The following SRSF12 variants were observed in gnomAD, a reference collection of about 807,000 sequenced individuals.
The protein encoded by SRSF12 is serine/arginine-rich splicing factor 12.
In SRSF12, 21 loss-of-function variants were observed where a neutral mutation model predicts 34.1. That is an observed-to-expected ratio of 0.62 (90% CI 0.44 to 0.89). The LOEUF (loss-of-function observed/expected upper bound fraction) is 0.89, where lower values mean the gene tolerates loss of function less well. Ranked by LOEUF, SRSF12 falls within the 40% of genes least tolerant of loss-of-function variation. The probability of loss-of-function intolerance (pLI) is 0.00; values close to 1 mark genes in which losing one functional copy is unlikely to be tolerated. For synonymous variants in SRSF12, 111 were observed against 110.8 expected (o/e 1.00, Z -0.01); for missense variants, 278 against 327.8 (o/e 0.85, Z 1.17).
intron 1 of SRSF12, among the ~76,000 whole-genome samples, chr6:89,109,539 T>C (rs1471368683): frequency 2.6e-5 from 4 of 152,100 alleles, no homozygotes; most frequent in Non-Finnish European, 5.9e-5. Context: ...ATCAACCAAA[T>C]GTAGTGGCTA....
chr6:89,104,786 C>T (rs1768708708), intron 4 of SRSF12, among the ~76,000 whole-genome samples: 1 of 152,110 alleles, frequency 6.6e-6, no homozygotes, highest in Non-Finnish European at 1.5e-5. Context: ...GGTGCAGTGG[C>T]TCACACCTGT....
Position 89,098,432 on chromosome 6 carries a change from C to T in SRSF12, c.*146G>A. ...AATGGAGACCAAATTTTTATTAATC[C>T]AAAGCTAGAGATTTTATTTCTTCCA... On this transcript the variant is annotated 3_prime_UTR_variant, in exon 5 of 5. Coordinates refer to ENST00000452027, the MANE Select transcript of SRSF12 (RefSeq NM_080743.5). The T allele has an allele frequency of 9.4e-7, 1 of 1,065,460 alleles. No homozygotes were observed. Among genetic ancestry groups the T allele is most frequent in the South Asian group, 2.2e-5 (1 of 45,010 alleles). 66.0% of individuals were successfully genotyped at this position (1,065,460 alleles called of 1,614,324 possible).
At chr6:89,107,063 T>A in intron 2 of SRSF12, 91 bp downstream of exon 2, 1 of 1,208,394 alleles carries the variant, frequency 8.3e-7, no homozygotes, top group Admixed American at 1.8e-5. Context: ...AATTAGGCAA[T>A]ATTAATCTCA....
intron 4 of SRSF12, among the ~76,000 whole-genome samples, chr6:89,101,732 C>A (rs1322260293): frequency 6.6e-6 from 1 of 151,936 alleles, no homozygotes; most frequent in Non-Finnish European, 1.5e-5. Flanking sequence ...ATCTGAAAAC[C>A]TTGCCAGAGA....
Position 89,098,886 on chromosome 6 carries a change from G to T in SRSF12, c.478C>A (p.Arg160=). 1 of 1,613,832 alleles carries T rather than the reference G, an allele frequency of 6.2e-7. No individual in the cohort carries two copies. Among genetic ancestry groups the T allele is most frequent in the East Asian group, 2.2e-5 (1 of 44,876 alleles). Residue 160 remains arginine (R), a synonymous_variant, in exon 5 of 5, where the codon CGG becomes AGG. Transcript: ENST00000452027. ...CTTGACTGCCTTGCTGAGGTAGACC[G>T]CCTTGGTAATGATTTGGAACGAGAT... is the stretch of plus-strand genomic sequence containing the variant. ...SKSRSKSLPR[R]STSARQSRTP...
Position 89,107,224 on chromosome 6 carries a change from C to A in SRSF12, c.100G>T (p.Gly34Cys). ...GGAATGTAAACGTCTACTATAGGGC[C>A]ATATCGACCAAACTCACGGCGCAAG... ...EDLRREFGRY[G>C]PIVDVYIPLD... Residue 34 changes from glycine (G) to cysteine (C), a missense_variant, in exon 2 of 5, where the codon GGC (glycine) becomes TGC (cysteine). By Grantham distance (159) the Gly-to-Cys change is radical (BLOSUM62 -3). Transcript: ENST00000452027. 1 of 1,614,000 alleles carries A rather than the reference C, an allele frequency of 6.2e-7. No homozygotes were observed. The highest frequency in any genetic ancestry group is 8.5e-7 in the Non-Finnish European group (1 of 1,180,006).
At chr6:89,117,072 G>T (rs1341467126) in intron 1 of SRSF12, among the ~76,000 whole-genome samples, 1 of 152,022 alleles carries the variant, frequency 6.6e-6, no homozygotes, top group African/African-American at 2.4e-5. Flanking sequence ...ATTAAGGAAG[G>T]AAGTGCTATA....
At chr6:89,106,985 A>C (rs565372179) in intron 2 of SRSF12, 169 bp downstream of exon 2, 36 of 720,290 alleles carry the variant, frequency 5.0e-5, no homozygotes, top group South Asian at 4.9e-4. Flanking sequence ...GTTGGTTCAA[A>C]CTGGGGGGTG....
intron 3 of SRSF12, 61 bp from the exon 4 acceptor site, chr6:89,105,321 C>G (rs772077800): frequency 5.0e-5 from 79 of 1,568,556 alleles, no homozygotes; most frequent in Non-Finnish European, 6.7e-5. Flanking sequence ...CAGTAACAAC[C>G]ACTCAACTAG....
Position 89,105,462 on chromosome 6 carries a change from T to TTG in SRSF12, c.238_239insCA (p.Gln80ProfsTer18), listed in dbSNP as rs1562199428. The TTG allele has an allele frequency of 6.2e-7, 1 of 1,611,058 alleles. No homozygotes were observed. The highest frequency in any genetic ancestry group is 1.7e-5 in the Admixed American group (1 of 59,282). ...ACCTTGTGCAAACTGTATTTCAATC[T>TTG]GACGGCCACATACCCACTTTCTATT... is the stretch of plus-strand genomic sequence containing the variant. On this transcript the variant is annotated frameshift_variant, in exon 3 of 5. Coordinates refer to ENST00000452027, the MANE Select transcript of SRSF12 (RefSeq NM_080743.5). LOFTEE classifies it high-confidence loss of function.
chr6:89,099,413 T>TATACAC lies in SRSF12; in HGVS notation c.417-467_417-466insGTGTAT, dbSNP rs370117225. ...CTCTCTCTCTCTCTCCATATATATA[T>TATACAC]ACATATATATATGTGTGTATATATA... On this transcript the variant is annotated intron_variant, in intron 4 of 4. Transcript: ENST00000452027. Among the ~76,000 whole-genome samples the TATACAC allele has an allele frequency of 6.2e-3, 867 of 139,962 alleles. 21 individuals are homozygous for TATACAC. Among genetic ancestry groups the TATACAC allele is most frequent in the African/African-American group, 0.022 (771 of 35,492 alleles). 91.8% of individuals were successfully genotyped at this position (139,962 alleles called of 152,430 possible). A position where few individuals can be genotyped will look rare whatever the true frequency, so the allele number is the denominator to read the frequency against.
Position 89,118,026 on chromosome 6 carries a change from C to T in SRSF12, c.-139G>A. The T allele has an allele frequency of 2.4e-6, 2 of 846,266 alleles. No homozygotes were observed. Among genetic ancestry groups the T allele is most frequent in the South Asian group, 3.8e-5 (2 of 51,952 alleles). The allele number at this position is 846,266 out of a possible 1,614,324, so 52.4% of individuals were successfully genotyped here. A position where few individuals can be genotyped will look rare whatever the true frequency, so the allele number is the denominator to read the frequency against. ...CCTCGGCCTCAGCCCCGCCAGCGCG[C>T]AGCCGCAGAGGCCGGCGCAGAGGGG... On this transcript the variant is annotated 5_prime_UTR_variant, in exon 1 of 5. Transcript: ENST00000452027.
At chr6:89,110,673 C>A (rs1344861310) in intron 1 of SRSF12, among the ~76,000 whole-genome samples, 1 of 152,130 alleles carries the variant, frequency 6.6e-6, no homozygotes, top group African/African-American at 2.4e-5. Context: ...TGTGAATCGG[C>A]CTTAGGTTCC....
chr6:89,099,859 C>T (rs1482457314), intron 4 of SRSF12, among the ~76,000 whole-genome samples: 2 of 152,042 alleles, frequency 1.3e-5, no homozygotes. Context: ...TGAAAAGCTA[C>T]ACAACATTTA....
intron 2 of SRSF12, 129 bp from the exon 3 acceptor site, chr6:89,105,659 A>G: frequency 1.6e-6 from 1 of 610,898 alleles, no homozygotes; most frequent in Non-Finnish European, 2.7e-6. Flanking sequence ...TCTTCAATAT[A>G]ATATGAATAA....
Position 89,099,041 on chromosome 6 carries a change from T to C in SRSF12, c.417-94A>G, listed in dbSNP as rs1248038303. The stretch of plus-strand genomic sequence containing the variant: ...GGAACTTACATACTTTACATAACAT[T>C]AGTTATATTTTTACTAGATAAGCTA... On this transcript the variant is annotated intron_variant, in intron 4 of 4. Coordinates refer to ENST00000452027, the MANE Select transcript of SRSF12 (RefSeq NM_080743.5). 1.1e-5 allele frequency: 15 copies of C among 1,386,746 alleles called. No homozygotes were observed. The East Asian group carries it at 3.6e-4, about 33-fold the overall frequency. 85.9% of individuals were successfully genotyped at this position (1,386,746 alleles called of 1,614,324 possible). A position where few individuals can be genotyped will look rare whatever the true frequency, so the allele number is the denominator to read the frequency against.
intron 4 of SRSF12, among the ~76,000 whole-genome samples, chr6:89,099,218 A>G (rs1590958): frequency 0.071 from 10,770 of 151,830 alleles, 1,124 homozygotes; most frequent in African/African-American, 0.23. Context: ...ATTTGGTCTG[A>G]GTTATACAGC....
At chr6:89,114,798 T>C (rs1298515121) in intron 1 of SRSF12, among the ~76,000 whole-genome samples, 1 of 152,220 alleles carries the variant, frequency 6.6e-6, no homozygotes, top group African/African-American at 2.4e-5. Context: ...TTTACTGCTT[T>C]TATTTTTTTA....
chr6:89,109,883 A>C (rs1172879751), intron 1 of SRSF12, among the ~76,000 whole-genome samples: 2 of 152,160 alleles, frequency 1.3e-5, no homozygotes, highest in Non-Finnish European at 2.9e-5. Context: ...CGAGGTCAGG[A>C]GATCGAGACC....
Sources: allele counts gnomAD v4.1 joint callset (sites outside exome capture counted in the v4.1 genomes callset), GRCh38; gene constraint gnomAD v4.1.1; transcripts MANE v1.5; gene names NCBI Gene and HGNC (gene_info 2026-07-23, HGNC 2026-07-21).